LHX9: variants seen among roughly 807,000 people sequenced by gnomAD.
LHX9 encodes LIM/homeobox protein Lhx9.
Under a neutral mutation model 36.5 loss-of-function variants are expected in LHX9, and 9 were observed. That is an observed-to-expected ratio of 0.25 (90% confidence interval 0.15 to 0.43). LHX9 has a LOEUF of 0.43. Ranked by LOEUF, LHX9 falls within the 20% of genes least tolerant of loss-of-function variation. The pLI is 1.00. For missense variants in LHX9, 464 were observed against 526.4 expected, an observed-to-expected ratio of 0.88 and a Z score of 1.16; for synonymous variants, 211 against 212.1, an observed-to-expected ratio of 0.99 and a Z score of 0.04.
At chr1:197,916,047 T>C (rs1261040861), upstream of LHX9, 1 of 151,870 alleles carries the variant, frequency 6.6e-6, no homozygotes, top group African/African-American at 2.4e-5. Flanking sequence ...CGGGAAGTAG[T>C]GGGGAACGCA....
intron 3 of LHX9, among the ~76,000 whole-genome samples, chr1:197,926,421 A>G (rs1246500041): frequency 6.6e-6 from 1 of 152,206 alleles, no homozygotes; most frequent in Non-Finnish European, 1.5e-5. Context: ...AAAAATTACC[A>G]TGCTCTTTAA....
Position 197,917,508 on chromosome 1 carries a change from G to T in LHX9, c.-316G>T, listed in dbSNP as rs745967292. 5 of 1,406,046 alleles carry T rather than the reference G, an allele frequency of 3.6e-6. No homozygotes were observed. In the South Asian group the frequency reaches 6.1e-5, roughly 17 times the overall value. 87.1% of individuals were successfully genotyped at this position (1,406,046 alleles called of 1,614,324 possible). ...ATTTTGTTTTCCTCCCCCCGCTGCA[G>T]TTGTTTCCCATTAGTAACTCGATCT... On this transcript the variant is annotated 5_prime_UTR_variant, in exon 1 of 5. Coordinates refer to ENST00000367387, the MANE Select transcript of LHX9 (RefSeq NM_020204.3).
Position 197,924,662 on chromosome 1 carries a change from C to T in LHX9, c.734-2929C>T, listed in dbSNP as rs4915254. 2.6e-3 allele frequency among the ~76,000 whole-genome samples: 395 copies of T among 152,298 alleles called. 10 individuals are homozygous for T. The highest frequency in any genetic ancestry group is 0.019 in the Admixed American group (294 of 15,298). On this transcript the variant is annotated intron_variant, in intron 3 of 4. Coordinates refer to ENST00000367387, the MANE Select transcript of LHX9 (RefSeq NM_020204.3). ...CTTTCCTTAAGCCCTTTCTTCCTAT[C>T]CAAACTTTTAAGGCTCCTGGTGGTT...
In LHX9 at chr1:197,919,731, G is replaced by A. The variant is rs114853876; in HGVS notation, c.175-241G>A. 4.6e-3 allele frequency among the ~76,000 whole-genome samples: 698 copies of A among 152,376 alleles called. 5 individuals are homozygous for A. Among genetic ancestry groups the A allele is most frequent in the African/African-American group, 0.016 (651 of 41,592 alleles). On this transcript the variant is annotated intron_variant, in intron 1 of 4. Transcript: ENST00000367387. ...AAGCGAGGCTCCGGATGGCTGGGAT[G>A]TCTTTAGGTTAGTAGTCCCGGGAGG...
At position 197,931,619 on chromosome 1, in the gene LHX9, AT is replaced by A. The variant is rs1660329189; in HGVS notation, c.*2362del. 3.6e-6 allele frequency: 1 copy of A among 277,190 alleles called. No individual in the cohort carries two copies. The highest frequency in any genetic ancestry group is 6.1e-5 in the East Asian group (1 of 16,468). 17.2% of individuals were successfully genotyped at this position (277,190 alleles called of 1,614,324 possible). ...TAGTTTTTAGACTTCCAAACTTCTGATTCATATGAAATGTTACACATTGTTG... is the reference window on the plus strand; with the variant it reads ...TAGTTTTTAGACTTCCAAACTTCTGATCATATGAAATGTTACACATTGTTG... On this transcript the variant is annotated 3_prime_UTR_variant, in exon 5 of 5. Transcript: ENST00000367387.
In LHX9 at chr1:197,920,127, C is replaced by A; in HGVS notation, c.330C>A (p.Thr110=). ...ECKLALESEL[T]CFAKDGSIYC... ...AGCTGGCCCTCGAGTCCGAGCTCAC[C>A]TGCTTTGCCAAGGACGGTAGCATTT... Residue 110 remains threonine (T), a synonymous_variant, in exon 2 of 5, where the codon ACC becomes ACA. Transcript: ENST00000367387. 1 of 1,614,252 alleles carries A rather than the reference C, an allele frequency of 6.2e-7. No homozygotes were observed. The highest frequency in any genetic ancestry group is 8.5e-7 in the Non-Finnish European group (1 of 1,180,046).
chr1:197,915,667 A>G (rs942645128), upstream of LHX9, among the ~76,000 whole-genome samples: 1 of 152,066 alleles, frequency 6.6e-6, no homozygotes, highest in Non-Finnish European at 1.5e-5. Context: ...AAATAACATT[A>G]TTTTTGACCC....
intron 3 of LHX9, among the ~76,000 whole-genome samples, chr1:197,926,705 G>C (rs994243408): frequency 1.8e-4 from 28 of 152,266 alleles, no homozygotes; most frequent in Non-Finnish European, 3.2e-4. Context: ...CACACATCTG[G>C]AGCAAAAGGG....
Position 197,921,101 on chromosome 1 carries a change from TTC to T in LHX9, c.378-201_378-200del, listed in dbSNP as rs1360004600. On this transcript the variant is annotated intron_variant, in intron 2 of 4. Coordinates refer to ENST00000367387, the MANE Select transcript of LHX9 (RefSeq NM_020204.3). This position sits in a 1 kb window ranked among gnomAD's most constrained non-coding sequence, Gnocchi z 4.6. Reference sequence around the variant, plus strand: ...AAACTAAGGCTTAGTTGCCCGATTCTTCTGACTTTAATGTAAAGATCCTTTGT... The same window carrying T: ...AAACTAAGGCTTAGTTGCCCGATTCTTGACTTTAATGTAAAGATCCTTTGT... 6.6e-6 allele frequency among the ~76,000 whole-genome samples: 1 copy of T among 152,022 alleles called. No individual in the cohort carries two copies. Among genetic ancestry groups the T allele is most frequent in the East Asian group, 1.9e-4 (1 of 5,190 alleles).
chr1:197,927,804 T>G lies in LHX9; in HGVS notation c.936+11T>G. On this transcript the variant is annotated intron_variant, in intron 4 of 4. Coordinates refer to ENST00000367387, the MANE Select transcript of LHX9 (RefSeq NM_020204.3). Reference sequence around the variant, plus strand: ...AAAAGAGTTTTGCAGGTAAGACACATGCATCATTGACTGTGCATACATTTC... The same window carrying G: ...AAAAGAGTTTTGCAGGTAAGACACAGGCATCATTGACTGTGCATACATTTC... 6.2e-7 allele frequency: 1 copy of G among 1,609,612 alleles called. No homozygotes were observed. Among genetic ancestry groups the G allele is most frequent in the Non-Finnish European group, 8.5e-7 (1 of 1,175,836 alleles).
Position 197,921,701 on chromosome 1 carries a change from C to T in LHX9, c.733+42C>T, listed in dbSNP as rs763555454. The T allele has an allele frequency of 7.4e-6, 11 of 1,477,072 alleles. No individual in the cohort carries two copies. Among genetic ancestry groups the T allele is most frequent in the Non-Finnish European group, 9.9e-6 (11 of 1,108,352 alleles). 91.5% of individuals were successfully genotyped at this position (1,477,072 alleles called of 1,614,324 possible). A position where few individuals can be genotyped will look rare whatever the true frequency, so the allele number is the denominator to read the frequency against. On this transcript the variant is annotated intron_variant, in intron 3 of 4. Coordinates refer to ENST00000367387, the MANE Select transcript of LHX9 (RefSeq NM_020204.3). This position sits in a 1 kb window ranked among gnomAD's most constrained non-coding sequence, Gnocchi z 4.6. ...CACCCCCGGCGCAGCCCCGGCCTCC[C>T]TGAGGAAAATTCGTAGAGCTCCTTC...
intron 3 of LHX9, among the ~76,000 whole-genome samples, chr1:197,923,589 A>G (rs1210752868): frequency 6.6e-6 from 1 of 152,118 alleles, no homozygotes; most frequent in Admixed American, 6.5e-5. Context: ...AGCCCGGATA[A>G]AGTCCAGAAG....
intron 3 of LHX9, among the ~76,000 whole-genome samples, chr1:197,923,811 G>A (rs1660068315): frequency 6.6e-6 from 1 of 152,070 alleles, no homozygotes; most frequent in African/African-American, 2.4e-5. Flanking sequence ...GAGCCACTTA[G>A]GTCTTTAGTT....
intron 2 of LHX9, among the ~76,000 whole-genome samples, chr1:197,920,618 G>T (rs1659953217): frequency 6.6e-6 from 1 of 152,122 alleles, no homozygotes; most frequent in East Asian, 1.9e-4. Flanking sequence ...CTCTGTAAAT[G>T]ACTATGAAAA....
Position 197,931,932 on chromosome 1 carries a change from T to C in LHX9, c.*2673T>C, listed in dbSNP as rs1660335876. The C allele has an allele frequency of 6.5e-7, 1 of 1,548,552 alleles. No homozygotes were observed. Among genetic ancestry groups the C allele is most frequent in the Non-Finnish European group, 8.7e-7 (1 of 1,145,562 alleles). ...GATTTTTTTCAGGGAGAACAAATCTTGGGGCATTACAGCCAAACATCCCGA... is the reference window on the plus strand; with the variant it reads ...GATTTTTTTCAGGGAGAACAAATCTCGGGGCATTACAGCCAAACATCCCGA... On this transcript the variant is annotated 3_prime_UTR_variant, in exon 5 of 5. Transcript: ENST00000367387.
intron 1 of LHX9, among the ~76,000 whole-genome samples, chr1:197,919,529 C>A (rs139986525): frequency 1.3e-5 from 2 of 152,184 alleles, no homozygotes; most frequent in Non-Finnish European, 2.9e-5. Flanking sequence ...TTAGAGAAAT[C>A]GAACTGTAAT....
rs549921855 is a variant in LHX9, at chr1:197,921,084, G to T, written c.378-220G>T. On this transcript the variant is annotated intron_variant, in intron 2 of 4. Coordinates refer to ENST00000367387, the MANE Select transcript of LHX9 (RefSeq NM_020204.3). The surrounding 1 kb of genome is among the most constrained non-coding windows in gnomAD (Gnocchi z 4.6). ...TCACTTTGCAGAGAAGAAAACTAAGGCTTAGTTGCCCGATTCTTCTGACTT... is the reference window on the plus strand; with the variant it reads ...TCACTTTGCAGAGAAGAAAACTAAGTCTTAGTTGCCCGATTCTTCTGACTT... 6.6e-6 allele frequency among the ~76,000 whole-genome samples: 1 copy of T among 152,118 alleles called. No individual in the cohort carries two copies. The highest frequency in any genetic ancestry group is 2.1e-4 in the South Asian group (1 of 4,806).
In LHX9 at chr1:197,921,654, A is replaced by C; in HGVS notation, c.728A>C (p.Asn243Thr). The change falls in exon 3 of 5, where the codon AAC becomes ACC. Residue 243 changes from asparagine (N) to threonine (T), a missense_variant. Transcript: ENST00000367387. This position sits in a 1 kb window ranked among gnomAD's most constrained non-coding sequence, Gnocchi z 4.6. ...CTGGGAGTGGACATCGTCAATTACA[A>C]CTCAGGTGTGCCTCCTATCCTCACC... ...PALGVDIVNYNSGCNENEADH... is the reference protein window; with the variant it reads ...PALGVDIVNYTSGCNENEADH... The C allele has an allele frequency of 6.3e-7, 1 of 1,581,298 alleles. No homozygotes were observed. The highest frequency in any genetic ancestry group is 1.7e-4 in the Middle Eastern group (1 of 5,974).
intron 3 of LHX9, among the ~76,000 whole-genome samples, chr1:197,924,513 A>G (rs914707387): frequency 2.0e-5 from 3 of 152,270 alleles, no homozygotes; most frequent in Non-Finnish European, 4.4e-5. Context: ...GTTTACCTGA[A>G]ATGCTAGCTT....
Sources: gnomAD v4.1 joint callset for allele counts (sites outside exome capture counted in the v4.1 genomes callset) on GRCh38, gnomAD v4.1.1 for gene constraint, Gnocchi (gnomAD v3.1) non-coding constraint, MANE v1.5 for transcripts, NCBI Gene and HGNC (gene_info 2026-07-23, HGNC 2026-07-21) for gene names.